PDE8B: variants seen among roughly 807,000 people sequenced by gnomAD.
The protein encoded by PDE8B is phosphodiesterase 8B.
PDE8B carries 26 observed loss-of-function variants against 101.3 expected under a neutral mutation model. The observed-to-expected ratio is 0.26, with a 90% CI of 0.19 to 0.36. The LOEUF (loss-of-function observed/expected upper bound fraction) is 0.36, where lower values mean the gene tolerates loss of function less well. Ranked by LOEUF, PDE8B falls within the 10% of genes least tolerant of loss-of-function variation. The pLI is 1.00. For synonymous variants in PDE8B, 424 were observed against 429.3 expected, an observed-to-expected ratio of 0.99 and a Z score of 0.15; for missense variants, 810 against 1,163.1, an observed-to-expected ratio of 0.70 and a Z score of 4.42.
At chr5:77,159,679 C>G in the PDE8B span, among the ~76,000 whole-genome samples, 1 of 152,194 alleles carries the variant, frequency 6.6e-6, no homozygotes, top group African/African-American at 2.4e-5. Context: ...GTAGCCCCTG[C>G]TCTCCAGCAG....
chr5:77,396,318 G>T (rs976920941), intron 10 of PDE8B, among the ~76,000 whole-genome samples: 1 of 152,152 alleles, frequency 6.6e-6, no homozygotes, highest in Admixed American at 6.5e-5. Context: ...TAGCTTTGAG[G>T]CTAATGATCT....
At chr5:77,385,795 G>GTT (rs35717428) in intron 10 of PDE8B, among the ~76,000 whole-genome samples, 39,459 of 107,814 alleles carry the variant, frequency 0.37, 8,480 homozygotes, top group Non-Finnish European at 0.44. Flanking sequence ...AGTGAGTGAG[G>GTT]TTTTTTTTTT....
chr5:77,295,850 C>T (rs1580854726), intron 1 of PDE8B, among the ~76,000 whole-genome samples: 1 of 152,258 alleles, frequency 6.6e-6, no homozygotes, highest in African/African-American at 2.4e-5. Context: ...TTTCTCCACT[C>T]TGCTTTCCAT....
chr5:77,245,569 T>C (rs2149576842), intron 1 of PDE8B, among the ~76,000 whole-genome samples: 1 of 152,312 alleles, frequency 6.6e-6, no homozygotes, highest in East Asian at 1.9e-4. Flanking sequence ...TTGGGCCTCC[T>C]CTGCCTGCCT....
At chr5:77,346,873 AT>A (rs1003642426) in intron 7 of PDE8B, among the ~76,000 whole-genome samples, 7 of 152,220 alleles carry the variant, frequency 4.6e-5, no homozygotes, top group Non-Finnish European at 8.8e-5. Flanking sequence ...TGTGCTATAA[AT>A]TTTGAGGATG....
At chr5:77,389,530 G>T (rs1186050817) in intron 10 of PDE8B, among the ~76,000 whole-genome samples, 6 of 152,158 alleles carry the variant, frequency 3.9e-5, no homozygotes, top group African/African-American at 1.2e-4. Flanking sequence ...CCTCTTGTCT[G>T]CAATCCCTTC....
At chr5:77,313,662 A>C (rs555767226) in intron 2 of PDE8B, among the ~76,000 whole-genome samples, 1 of 152,214 alleles carries the variant, frequency 6.6e-6, no homozygotes, top group Non-Finnish European at 1.5e-5. Flanking sequence ...AAATATTTCA[A>C]ATATTCATAA....
At chr5:77,414,525 G>A (rs1340609402) in intron 17 of PDE8B, among the ~76,000 whole-genome samples, 2 of 151,802 alleles carry the variant, frequency 1.3e-5, no homozygotes, top group Non-Finnish European at 2.9e-5. Flanking sequence ...GGTTCCAACA[G>A]TTCTCCTGCC....
At chr5:77,139,499 T>C in the PDE8B span, 2 of 152,248 alleles carry the variant, frequency 1.3e-5, no homozygotes, top group African/African-American at 2.4e-5. Flanking sequence ...ATTCCTGTCT[T>C]GTCAAATCTG....
chr5:77,164,375 T>C, the PDE8B span, among the ~76,000 whole-genome samples: 1 of 152,200 alleles, frequency 6.6e-6, no homozygotes, highest in Non-Finnish European at 1.5e-5. Context: ...GATGGGGTTT[T>C]ATAAAATATA....
intron 10 of PDE8B, among the ~76,000 whole-genome samples, chr5:77,362,873 C>G (rs59062505): frequency 0.19 from 29,609 of 152,176 alleles, 3,398 homozygotes; most frequent in Middle Eastern, 0.32. Context: ...TGACTGCCCC[C>G]GGCCACCTCT....
chr5:77,414,423 A>AT (rs1000220257), intron 17 of PDE8B, among the ~76,000 whole-genome samples: 13 of 151,834 alleles, frequency 8.6e-5, no homozygotes, highest in African/African-American at 3.1e-4. Context: ...CTTTTTTAAA[A>AT]TTTTTTTATT....
intron 1 of PDE8B, among the ~76,000 whole-genome samples, chr5:77,227,441 A>G (rs1225196394): frequency 2.0e-5 from 3 of 152,192 alleles, no homozygotes; most frequent in Admixed American, 2.0e-4. Flanking sequence ...TCCTGGGAGA[A>G]AAGACTAATT....
intron 1 of PDE8B, among the ~76,000 whole-genome samples, chr5:77,220,292 T>A (rs1274575889): frequency 6.6e-6 from 1 of 152,164 alleles, no homozygotes; most frequent in African/African-American, 2.4e-5. Flanking sequence ...CCTTCATCCC[T>A]TGGGAGGAAC....
At chr5:77,416,369 C>T (rs575570636) in intron 17 of PDE8B, among the ~76,000 whole-genome samples, 1 of 152,210 alleles carries the variant, frequency 6.6e-6, no homozygotes, top group Non-Finnish European at 1.5e-5. Context: ...GTTTGGGCCC[C>T]GTGGGTTCTC....
chr5:77,278,820 A>G (rs1764372492), intron 1 of PDE8B, among the ~76,000 whole-genome samples: 1 of 152,190 alleles, frequency 6.6e-6, no homozygotes, highest in South Asian at 2.1e-4. Context: ...AACACTGAAA[A>G]TAGTACAACA....
chr5:77,399,520 G>A (rs183374845), intron 10 of PDE8B, among the ~76,000 whole-genome samples: 4 of 152,308 alleles, frequency 2.6e-5, no homozygotes, highest in East Asian at 3.9e-4. Flanking sequence ...CAGTGAAGCC[G>A]CATGATTATA....
At chr5:77,131,086 T>A in the PDE8B span, 3 of 152,360 alleles carry the variant, frequency 2.0e-5, no homozygotes, top group African/African-American at 7.2e-5. Flanking sequence ...GACCTCTGAC[T>A]TCAGCCAGCC....
the PDE8B span, among the ~76,000 whole-genome samples, chr5:77,163,180 A>G: frequency 3.3e-5 from 5 of 152,246 alleles, no homozygotes; most frequent in African/African-American, 1.2e-4. Context: ...TGAGGGTCAG[A>G]AATAAAATTA....
Sources: gnomAD v4.1 joint callset for allele counts (sites outside exome capture counted in the v4.1 genomes callset) on GRCh38, gnomAD v4.1.1 for gene constraint, MANE v1.5 for transcripts, NCBI Gene and HGNC (gene_info 2026-07-23, HGNC 2026-07-21) for gene names.